P4HA1: variants seen among roughly 807,000 people sequenced by gnomAD.
P4HA1 encodes prolyl 4-hydroxylase subunit alpha-1.
A neutral mutation model predicts 72.8 loss-of-function variants in P4HA1; 24 were observed. The ratio of observed to expected loss-of-function variants is 0.33; its 90% CI spans 0.24 to 0.46. The LOEUF is 0.46. P4HA1 is among the 20% of genes least tolerant of loss of function. The probability of loss-of-function intolerance (pLI) is 1.00; values close to 1 mark genes in which losing one functional copy is unlikely to be tolerated. For missense variants in P4HA1, 446 were observed against 640.6 expected, an observed-to-expected ratio of 0.70 and a Z score of 3.28; for synonymous variants, 201 against 218.8, an observed-to-expected ratio of 0.92 and a Z score of 0.72.
intron 11 of P4HA1, 101 bp from the exon 12 acceptor site, chr10:73,014,390 C>A: frequency 1.2e-6 from 1 of 839,110 alleles, no homozygotes; most frequent in Non-Finnish European, 2.0e-6. Context: ...AAGAATATGC[C>A]AACAACAACC....
At chr10:73,013,284 T>C (rs1047981382) in intron 12 of P4HA1, among the ~76,000 whole-genome samples, 5 of 152,212 alleles carry the variant, frequency 3.3e-5, no homozygotes, top group African/African-American at 1.2e-4. Flanking sequence ...TGTAACAGAA[T>C]ACAGCAAAAT....
chr10:73,078,327 A>C (rs956055067), intron 1 of P4HA1, among the ~76,000 whole-genome samples: 2 of 151,720 alleles, frequency 1.3e-5, no homozygotes, highest in African/African-American at 4.9e-5. Flanking sequence ...AAATTATTTA[A>C]TGTTGTTATA....
At position 73,045,036 on chromosome 10, in the gene P4HA1, T is replaced by C. The variant is rs1468007956; in HGVS notation, c.1093A>G (p.Ile365Val). Residue 365 changes from isoleucine to valine, a missense_variant, in exon 9 of 15, where the codon ATT becomes GTT. Ile to Val is a conservative substitution (Grantham distance 29). Coordinates refer to ENST00000394890, the MANE Select transcript of P4HA1 (RefSeq NM_001017962.3). ...LAKPRLRRAT[I>V]SNPITGDLET... ...AAGTCTCCTGTTATTGGGTTTGAAA[T>C]GGTGGCTCGCCTCAGCTGTGAAGCC... is the stretch of plus-strand genomic sequence containing the variant. 1.2e-6 allele frequency: 2 copies of C among 1,613,716 alleles called. No homozygotes were observed. The highest frequency in any genetic ancestry group is 2.2e-5 in the East Asian group (1 of 44,864).
At chr10:73,011,919 G>C (rs1210450210) in intron 12 of P4HA1, among the ~76,000 whole-genome samples, 1 of 151,996 alleles carries the variant, frequency 6.6e-6, no homozygotes, top group East Asian at 1.9e-4. Flanking sequence ...ATTTTACAAT[G>C]ATAAATACAT....
chr10:73,085,798 T>A (rs1032090138), intron 1 of P4HA1, among the ~76,000 whole-genome samples: 1 of 152,198 alleles, frequency 6.6e-6, no homozygotes, highest in Non-Finnish European at 1.5e-5. Context: ...AATTCCACAA[T>A]GAGATACCAC....
intron 1 of P4HA1, among the ~76,000 whole-genome samples, chr10:73,080,296 G>A (rs1248452596): frequency 6.6e-6 from 1 of 152,098 alleles, no homozygotes; most frequent in Admixed American, 6.5e-5. Flanking sequence ...GACCTATATG[G>A]CAGTGCTTCT....
At chr10:73,044,013 T>C in intron 9 of P4HA1, 1 of 1,297,138 alleles carries the variant, frequency 7.7e-7, no homozygotes, top group Non-Finnish European at 1.1e-6. Flanking sequence ...ATTTTGGGCT[T>C]TTTGTTTGTT....
At chr10:73,076,882 C>G (rs926658028) in intron 1 of P4HA1, among the ~76,000 whole-genome samples, 1 of 152,152 alleles carries the variant, frequency 6.6e-6, no homozygotes, top group African/African-American at 2.4e-5. Flanking sequence ...GGCTCAGGTT[C>G]AAATTGAAAG....
At chr10:73,028,488 A>G (rs901476014) in intron 10 of P4HA1, among the ~76,000 whole-genome samples, 1 of 152,014 alleles carries the variant, frequency 6.6e-6, no homozygotes, top group Non-Finnish European at 1.5e-5. Flanking sequence ...CTGGAGTGCA[A>G]TGGCGCAATC....
chr10:73,072,317 T>C (rs556964642), intron 3 of P4HA1, 137 bp from the exon 4 acceptor site: 2 of 641,484 alleles, frequency 3.1e-6, no homozygotes, highest in South Asian at 2.1e-5. Flanking sequence ...AGTAAAAGTA[T>C]ACGGTCTCGG....
At chr10:73,020,736 T>G (rs1011621748) in intron 10 of P4HA1, among the ~76,000 whole-genome samples, 4 of 152,200 alleles carry the variant, frequency 2.6e-5, no homozygotes, top group Non-Finnish European at 5.9e-5. Flanking sequence ...CAATTAGGCT[T>G]TATTTGTGGG....
chr10:73,030,099 T>C (rs982338279), intron 10 of P4HA1, among the ~76,000 whole-genome samples, 172 bp downstream of exon 10: 1 of 152,180 alleles, frequency 6.6e-6, no homozygotes, highest in Non-Finnish European at 1.5e-5. Flanking sequence ...CACAGAACAA[T>C]CACAATTTTT....
intron 9 of P4HA1, among the ~76,000 whole-genome samples, chr10:73,038,847 C>T (rs991314230): frequency 9.0e-6 from 1 of 110,938 alleles, no homozygotes; most frequent in African/African-American, 5.4e-5. Flanking sequence ...GGGATGGTCT[C>T]GATCTCCTGA....
At chr10:73,062,010 T>C (rs1841325022) in intron 5 of P4HA1, among the ~76,000 whole-genome samples, 1 of 152,102 alleles carries the variant, frequency 6.6e-6, no homozygotes, top group Non-Finnish European at 1.5e-5. Context: ...TAGAGTGAAA[T>C]CTTGCCTCAA....
chr10:73,084,450 C>T (rs955613234), intron 1 of P4HA1, among the ~76,000 whole-genome samples: 1 of 152,098 alleles, frequency 6.6e-6, no homozygotes, highest in Non-Finnish European at 1.5e-5. Context: ...TGTGCCACCA[C>T]GACCGGCCAA....
intron 5 of P4HA1, among the ~76,000 whole-genome samples, chr10:73,060,198 G>C (rs140170916): frequency 1.3e-5 from 2 of 152,266 alleles, no homozygotes; most frequent in East Asian, 3.9e-4. Flanking sequence ...GAATAAAATA[G>C]TATGAGTTAA....
At chr10:73,082,527 G>GA (rs1408720887) in intron 1 of P4HA1, 26 of 152,084 alleles carry the variant, frequency 1.7e-4, no homozygotes, top group Admixed American at 9.2e-4. Flanking sequence ...TGGGAGTGCA[G>GA]AAAAAACAAA....
chr10:73,062,518 A>G (rs1297069554), intron 5 of P4HA1, among the ~76,000 whole-genome samples: 1 of 152,230 alleles, frequency 6.6e-6, no homozygotes, highest in Non-Finnish European at 1.5e-5. Context: ...ACCAGAAACT[A>G]CTGGTCAAAG....
intron 6 of P4HA1, among the ~76,000 whole-genome samples, chr10:73,052,415 C>A (rs1841042727): frequency 1.3e-5 from 2 of 152,112 alleles, no homozygotes. Context: ...GAGGCGTATA[C>A]ACTAAAAGGA....
Sources: allele counts gnomAD v4.1 joint callset (sites outside exome capture counted in the v4.1 genomes callset), GRCh38; gene constraint gnomAD v4.1.1; transcripts MANE v1.5; gene names NCBI Gene and HGNC (gene_info 2026-07-23, HGNC 2026-07-21).